The following PLCE1 variants were observed in gnomAD, a reference collection of about 807,000 sequenced individuals.
PLCE1 encodes phospholipase C epsilon 1.
In PLCE1, 119 loss-of-function variants were observed where a neutral mutation model predicts 242.8. That is an observed-to-expected ratio of 0.49 (90% CI 0.42 to 0.57). The LOEUF is 0.57. Among genes scored for constraint, PLCE1 ranks in the 20% least tolerant of loss-of-function variants. The pLI is 0.00. For missense variants in PLCE1, 2,441 were observed against 2,788.8 expected (o/e 0.88, Z 2.81); for synonymous variants, 945 against 1,017.4 (o/e 0.93, Z 1.35).
chr10:94,065,046 T>C (rs1028740271), intron 2 of PLCE1, among the ~76,000 whole-genome samples: 2 of 152,228 alleles, frequency 1.3e-5, no homozygotes, highest in African/African-American at 4.8e-5. Context: ...AGGGAAACTA[T>C]CTGTTTTTCC....
At chr10:94,117,908 T>C (rs185123037) in intron 2 of PLCE1, among the ~76,000 whole-genome samples, 78 of 152,328 alleles carry the variant, frequency 5.1e-4, no homozygotes, top group Non-Finnish European at 2.8e-4. Context: ...TTTTATACAA[T>C]AGAGCTTCAT....
At chr10:94,089,501 AAAG>A (rs1184406564) in intron 2 of PLCE1, 7 of 635,460 alleles carry the variant, frequency 1.1e-5, no homozygotes, top group Non-Finnish European at 1.7e-5. Flanking sequence ...GACATTTTAC[AAAG>A]AAGATCAGAG....
intron 32 of PLCE1, among the ~76,000 whole-genome samples, chr10:94,327,054 C>G (rs962484278): frequency 6.6e-6 from 1 of 152,002 alleles, no homozygotes; most frequent in Non-Finnish European, 1.5e-5. Context: ...CCCAGCTACT[C>G]GGGAGGCTGA....
At chr10:94,136,930 C>T (rs1202609222) in intron 3 of PLCE1, among the ~76,000 whole-genome samples, 1 of 152,196 alleles carries the variant, frequency 6.6e-6, no homozygotes, top group African/African-American at 2.4e-5. Context: ...TGGTGGCTCA[C>T]GCCTGTAATC....
Position 94,031,085 on chromosome 10 carries a change from T to C in PLCE1, c.39T>C (p.Pro13=). 1 of 1,613,528 alleles carries C rather than the reference T, an allele frequency of 6.2e-7. No homozygotes were observed. Among genetic ancestry groups the C allele is most frequent in the Non-Finnish European group, 8.5e-7 (1 of 1,179,538 alleles). The change falls in exon 2 of 33, where the codon CCT becomes CCC. Residue 13 remains proline (P), a synonymous_variant. Transcript: ENST00000371380. ...AAATGACAGCTTCTGTTCTCATACC[T>C]GTGACTCAGAGAAAAGTGGTTTCTG... ...SEEMTASVLI[P]VTQRKVVSAQ...
chr10:94,166,523 T>A (rs1171630992), intron 3 of PLCE1, among the ~76,000 whole-genome samples: 1 of 152,060 alleles, frequency 6.6e-6, no homozygotes, highest in Non-Finnish European at 1.5e-5. Context: ...GTCAGAATCC[T>A]GTAAGGTATT....
intron 8 of PLCE1, among the ~76,000 whole-genome samples, chr10:94,250,118 C>T (rs892615047): frequency 8.1e-6 from 1 of 123,966 alleles, no homozygotes; most frequent in African/African-American, 3.1e-5. Context: ...GGCAAGAGTG[C>T]GAGACTCTGT....
chr10:94,306,369 G>A lies in PLCE1; in HGVS notation c.5623-58G>A, dbSNP rs1415638810. The stretch of plus-strand genomic sequence containing the variant: ...GCAGAGGGAAGCAGTGAGGTGCAGA[G>A]GTTGTCTTTCTTTTTTATCCTCGGT... On this transcript the variant is annotated intron_variant, in intron 25 of 32. Transcript: ENST00000371380. This position sits in a 1 kb window ranked among gnomAD's most constrained non-coding sequence, Gnocchi z 5.7. 18 of 1,613,778 alleles carry A rather than the reference G, an allele frequency of 1.1e-5. No homozygotes were observed. The highest frequency in any genetic ancestry group is 1.1e-4 in the African/African-American group (8 of 74,920).
chr10:94,146,286 T>C (rs1016791519), intron 3 of PLCE1, among the ~76,000 whole-genome samples: 3 of 152,170 alleles, frequency 2.0e-5, no homozygotes, highest in African/African-American at 7.2e-5. Flanking sequence ...GAGACACTGG[T>C]TACAGTAAAA....
At chr10:94,064,305 C>G (rs957754011) in intron 2 of PLCE1, among the ~76,000 whole-genome samples, 3 of 152,128 alleles carry the variant, frequency 2.0e-5, no homozygotes, top group Non-Finnish European at 4.4e-5. Flanking sequence ...TAATCTAGCA[C>G]TTTGGGAGGC....
intron 16 of PLCE1, among the ~76,000 whole-genome samples, chr10:94,268,670 G>A (rs1376206697): frequency 1.3e-5 from 2 of 152,176 alleles, no homozygotes; most frequent in Non-Finnish European, 1.5e-5. Flanking sequence ...TGGCCATATG[G>A]TTTTGCTATC....
At chr10:94,001,965 TGTCGGG>T (rs1196465489) in intron 1 of PLCE1, among the ~76,000 whole-genome samples, 3 of 152,222 alleles carry the variant, frequency 2.0e-5, no homozygotes, top group Non-Finnish European at 4.4e-5. Flanking sequence ...TTTGGTTAAC[TGTCGGG>T]GTCTGAGTGG....
chr10:94,007,300 T>C (rs1175405514), intron 1 of PLCE1, among the ~76,000 whole-genome samples: 1 of 150,992 alleles, frequency 6.6e-6, no homozygotes, highest in African/African-American at 2.4e-5. Context: ...GTCATCCACA[T>C]AGAGGTGATA....
intron 2 of PLCE1, among the ~76,000 whole-genome samples, chr10:94,065,405 C>G (rs953019270): frequency 6.6e-6 from 1 of 152,184 alleles, no homozygotes; most frequent in Non-Finnish European, 1.5e-5. Context: ...AGAATCATGG[C>G]CAATCTTCTC....
rs566152501 is a variant in PLCE1, at chr10:94,201,585, C to T, written c.1810-25721C>T. Among the ~76,000 whole-genome samples the T allele has an allele frequency of 2.0e-5, 3 of 152,318 alleles. No individual in the cohort carries two copies. In the East Asian group the frequency reaches 5.8e-4, roughly 29 times the overall value. ...CCGCCTCCTGGGTTCACGCCATTCT[C>T]CCGCCTCAGCCTCCTGAGTAGCTGG... On this transcript the variant is annotated intron_variant, in intron 4 of 32. Coordinates refer to ENST00000371380, the MANE Select transcript of PLCE1 (RefSeq NM_016341.4).
chr10:94,056,119 G>A (rs1407351221), intron 2 of PLCE1, among the ~76,000 whole-genome samples: 2 of 152,098 alleles, frequency 1.3e-5, no homozygotes, highest in Non-Finnish European at 2.9e-5. Flanking sequence ...CCTTTTCTGT[G>A]TCAGTTTGTT....
At chr10:94,280,065 A>T (rs940252308) in intron 20 of PLCE1, 154 bp downstream of exon 20, 1 of 783,134 alleles carries the variant, frequency 1.3e-6, no homozygotes, top group African/African-American at 1.7e-5. Context: ...CTTAGCAAGG[A>T]CCGAGGAAGG....
At chr10:94,236,258 A>G (rs746074729) in intron 7 of PLCE1, 138 bp downstream of exon 7, 2 of 710,742 alleles carry the variant, frequency 2.8e-6, no homozygotes, top group Non-Finnish European at 5.0e-6. Flanking sequence ...ACACTTCTTT[A>G]TCTTCAAACC....
chr10:94,155,731 T>A (rs1467165351), intron 3 of PLCE1: 1 of 152,034 alleles, frequency 6.6e-6, no homozygotes, highest in Non-Finnish European at 1.5e-5. Flanking sequence ...GTATATATGC[T>A]GCTGAAGTGA....
Sources: allele counts gnomAD v4.1 joint callset (sites outside exome capture counted in the v4.1 genomes callset), GRCh38; gene constraint gnomAD v4.1.1; non-coding constraint Gnocchi (gnomAD v3.1); transcripts MANE v1.5; gene names NCBI Gene and HGNC (gene_info 2026-07-23, HGNC 2026-07-21).